Variants in ADAMTSL3 observed in about 807,000 individuals in gnomAD.
The protein encoded by ADAMTSL3 is ADAMTS-like protein 3.
Under a neutral mutation model 201.7 loss-of-function variants are expected in ADAMTSL3, and 128 were observed. The observed-to-expected ratio is 0.63, with a 90% CI of 0.55 to 0.73. The LOEUF (loss-of-function observed/expected upper bound fraction) is 0.73. ADAMTSL3 is among the 30% of genes least tolerant of loss of function. The pLI, the probability that ADAMTSL3 is intolerant of heterozygous loss-of-function variation, is 0.00. For synonymous variants in ADAMTSL3, 738 were observed against 748.4 expected, an observed-to-expected ratio of 0.99 and a Z score of 0.23; for missense variants, 1,990 against 2,119.6, an observed-to-expected ratio of 0.94 and a Z score of 1.20.
chr15:84,003,280 G>A (rs1319153661), intron 23 of ADAMTSL3, among the ~76,000 whole-genome samples: 1 of 151,934 alleles, frequency 6.6e-6, no homozygotes, highest in Non-Finnish European at 1.5e-5. Flanking sequence ...CCATATTTCT[G>A]ATATTAAGAC....
chr15:83,918,914 T>C (rs2066085852), intron 16 of ADAMTSL3, among the ~76,000 whole-genome samples: 1 of 151,980 alleles, frequency 6.6e-6, no homozygotes, highest in African/African-American at 2.4e-5. Context: ...ATGGTGACCA[T>C]GGTAGAGATG....
intron 7 of ADAMTSL3, among the ~76,000 whole-genome samples, chr15:83,849,564 T>C (rs1449378370): frequency 6.6e-6 from 1 of 152,194 alleles, no homozygotes; most frequent in Non-Finnish European, 1.5e-5. Context: ...TATACTGAGC[T>C]TGTGCTGAAC....
intron 3 of ADAMTSL3, among the ~76,000 whole-genome samples, chr15:83,748,390 G>A (rs1258141681): frequency 3.3e-5 from 5 of 152,156 alleles, no homozygotes; most frequent in Admixed American, 2.6e-4. Context: ...GCTCATGCCT[G>A]TAATCCCTAT....
chr15:83,859,332 A>G (rs1429452305), intron 8 of ADAMTSL3, among the ~76,000 whole-genome samples: 1 of 152,218 alleles, frequency 6.6e-6, no homozygotes, highest in Admixed American at 6.5e-5. Flanking sequence ...AGAATGTTAG[A>G]TCTGGCCCTT....
chr15:83,914,436 T>C (rs941369900), intron 16 of ADAMTSL3, among the ~76,000 whole-genome samples: 1 of 152,246 alleles, frequency 6.6e-6, no homozygotes, highest in African/African-American at 2.4e-5. Context: ...CTTTCCTGTC[T>C]AATTCAACTT....
intron 3 of ADAMTSL3, among the ~76,000 whole-genome samples, chr15:83,729,379 A>G (rs1232196498): frequency 3.3e-5 from 5 of 152,008 alleles, no homozygotes; most frequent in Admixed American, 2.0e-4. Context: ...CTTTAACACC[A>G]ATAACTCTTA....
At chr15:83,832,555 A>G (rs922874749) in intron 6 of ADAMTSL3, among the ~76,000 whole-genome samples, 1 of 152,172 alleles carries the variant, frequency 6.6e-6, no homozygotes, top group African/African-American at 2.4e-5. Context: ...AGAATTCAGT[A>G]TCTTTCCTTC....
At chr15:83,944,091 C>T (rs768106237) in intron 19 of ADAMTSL3, among the ~76,000 whole-genome samples, 6 of 152,100 alleles carry the variant, frequency 3.9e-5, no homozygotes, top group East Asian at 1.9e-4. Context: ...CTACTCAGAA[C>T]GTCATGCAAA....
chr15:83,728,155 T>C (rs2062208619), intron 3 of ADAMTSL3, among the ~76,000 whole-genome samples: 1 of 152,024 alleles, frequency 6.6e-6, no homozygotes, highest in African/African-American at 2.4e-5. Flanking sequence ...TCTTGAAATA[T>C]ATTTTGTTTA....
At chr15:83,899,484 AT>A (rs2065682192) in intron 14 of ADAMTSL3, among the ~76,000 whole-genome samples, 162 bp from the exon 15 acceptor site, 1 of 152,202 alleles carries the variant, frequency 6.6e-6, no homozygotes. Flanking sequence ...GAAGTGTTTA[AT>A]TCATTCCAGC....
intron 8 of ADAMTSL3, among the ~76,000 whole-genome samples, chr15:83,870,361 T>G (rs193183047): frequency 6.6e-6 from 1 of 152,362 alleles, no homozygotes; most frequent in Admixed American, 6.5e-5. Context: ...AACTTCCTGT[T>G]AATCTGAAAT....
chr15:83,665,902 C>G (rs2061242175), intron 2 of ADAMTSL3, among the ~76,000 whole-genome samples: 1 of 152,160 alleles, frequency 6.6e-6, no homozygotes, highest in East Asian at 1.9e-4. Flanking sequence ...AACTATTTTA[C>G]TAATAAAAGA....
At chr15:83,911,711 G>T (rs1177560795) in intron 15 of ADAMTSL3, among the ~76,000 whole-genome samples, 1 of 152,164 alleles carries the variant, frequency 6.6e-6, no homozygotes, top group Non-Finnish European at 1.5e-5. Context: ...GCTGATTGGG[G>T]GTGTGCTTTT....
rs1432437118 is a variant in ADAMTSL3 at position 83,879,475 on chromosome 15, T to C, written c.961-5626T>C. ...CCTTCATCATTCAGTTAAATTACTT[T>C]GTAAGTTTCATAATTATATATTCTT... On this transcript the variant is annotated intron_variant, in intron 9 of 29. Transcript: ENST00000286744. Among the ~76,000 whole-genome samples, 5 of 152,330 alleles carry C rather than the reference T, an allele frequency of 3.3e-5. No individual in the cohort carries two copies. The East Asian group carries it at 9.6e-4, about 29-fold the overall frequency.
intron 2 of ADAMTSL3, among the ~76,000 whole-genome samples, chr15:83,658,864 C>T (rs1244264422): frequency 1.3e-5 from 2 of 152,136 alleles, no homozygotes; most frequent in East Asian, 1.9e-4. Context: ...AACGTGCCCC[C>T]CCTTTTTTTT....
chr15:83,752,498 C>T (rs2062653112), intron 3 of ADAMTSL3, among the ~76,000 whole-genome samples: 1 of 152,202 alleles, frequency 6.6e-6, no homozygotes, highest in Non-Finnish European at 1.5e-5. Flanking sequence ...TACACACACA[C>T]ACACATACAT....
At chr15:84,017,330 G>T (rs2068105461) in intron 25 of ADAMTSL3, among the ~76,000 whole-genome samples, 1 of 152,114 alleles carries the variant, frequency 6.6e-6, no homozygotes. Flanking sequence ...TGTTAGCCAG[G>T]ATGATCTCGA....
At chr15:83,775,350 T>C (rs2063054670) in intron 4 of ADAMTSL3, among the ~76,000 whole-genome samples, 1 of 152,064 alleles carries the variant, frequency 6.6e-6, no homozygotes, top group South Asian at 2.1e-4. Context: ...GGTCTTTTTT[T>C]TTTTTCTAGT....
At position 83,804,678 on chromosome 15, in the gene ADAMTSL3, A is replaced by T; in HGVS notation, c.346A>T (p.Lys116Ter). 2 of 1,586,378 alleles carry T rather than the reference A, an allele frequency of 1.3e-6. No homozygotes were observed. Among genetic ancestry groups the T allele is most frequent in the Non-Finnish European group, 8.6e-7 (1 of 1,168,264 alleles). ...RNCEGQNIRY[K>*]TCSNHDCPPD... ...TTGTGAAGGGCAGAACATTCGGTAC[A>T]AGACATGCAGCAATCATGTAAGTCA... The change falls in exon 5 of 30, where the codon AAG becomes TAG. Residue 116 changes from lysine (K) to a stop codon, truncating the protein, a stop_gained. Coordinates refer to ENST00000286744, the MANE Select transcript of ADAMTSL3 (RefSeq NM_207517.3). LOFTEE classifies it high-confidence loss of function.
Sources: allele counts gnomAD v4.1 joint callset (sites outside exome capture counted in the v4.1 genomes callset), GRCh38; gene constraint gnomAD v4.1.1; transcripts MANE v1.5; gene names NCBI Gene and HGNC (gene_info 2026-07-23, HGNC 2026-07-21).